The following SLCO5A1 variants were observed in gnomAD, a reference collection of about 807,000 sequenced individuals.
SLCO5A1 encodes the protein solute carrier organic anion transporter family member 5A1.
SLCO5A1 carries 39 observed loss-of-function variants against 65.1 expected under a neutral mutation model. The observed-to-expected ratio is 0.60, with a 90% CI of 0.46 to 0.78. The LOEUF (loss-of-function observed/expected upper bound fraction) is 0.78, where lower values mean the gene tolerates loss of function less well. Among genes scored for constraint, SLCO5A1 ranks in the 30% least tolerant of loss-of-function variants. SLCO5A1 has a pLI of 0.00. For missense variants in SLCO5A1, 1,029 were observed against 1,069.4 expected, an observed-to-expected ratio of 0.96 and a Z score of 0.53; for synonymous variants, 438 against 415.7, an observed-to-expected ratio of 1.05 and a Z score of -0.65.
intron 8 of SLCO5A1, among the ~76,000 whole-genome samples, chr8:69,678,221 T>A (rs551488064): frequency 1.1e-4 from 16 of 152,216 alleles, no homozygotes; most frequent in African/African-American, 3.9e-4. Flanking sequence ...GACAAAATAA[T>A]GAACAAATTC....
intron 6 of SLCO5A1, among the ~76,000 whole-genome samples, chr8:69,701,182 CTG>C (rs1814720430): frequency 1.3e-5 from 2 of 152,092 alleles, no homozygotes; most frequent in African/African-American, 4.8e-5. Flanking sequence ...GTGTGGGAAA[CTG>C]GATGCAGATT....
chr8:69,770,628 G>A (rs1227551358), intron 2 of SLCO5A1, among the ~76,000 whole-genome samples: 1 of 151,926 alleles, frequency 6.6e-6, no homozygotes, highest in Non-Finnish European at 1.5e-5. Context: ...TTCCAAAAAG[G>A]CCACCTTCAA....
chr8:69,725,449 A>G (rs1356683782), intron 5 of SLCO5A1, among the ~76,000 whole-genome samples: 1 of 143,416 alleles, frequency 7.0e-6, no homozygotes, highest in Non-Finnish European at 1.5e-5. Flanking sequence ...CCAAGGGAGA[A>G]AAAGAATAAA....
chr8:69,818,445 G>C (rs184826887), intron 2 of SLCO5A1, among the ~76,000 whole-genome samples: 1 of 152,318 alleles, frequency 6.6e-6, no homozygotes, highest in East Asian at 1.9e-4. Context: ...ATCTTGACAA[G>C]ATCCCCTGAG....
intron 4 of SLCO5A1, among the ~76,000 whole-genome samples, chr8:69,745,523 C>T (rs574331492): frequency 4.7e-4 from 71 of 151,852 alleles, no homozygotes; most frequent in African/African-American, 1.7e-3. Flanking sequence ...ATTTTATTAC[C>T]CCAAAATGTA....
chr8:69,765,305 A>T (rs1818009963), intron 2 of SLCO5A1, among the ~76,000 whole-genome samples: 1 of 152,048 alleles, frequency 6.6e-6, no homozygotes, highest in Non-Finnish European at 1.5e-5. Context: ...TTGCAATTAT[A>T]TATGTATACA....
intron 2 of SLCO5A1, among the ~76,000 whole-genome samples, chr8:69,816,322 A>C (rs1402444128): frequency 6.6e-6 from 1 of 152,172 alleles, no homozygotes; most frequent in Non-Finnish European, 1.5e-5. Flanking sequence ...GAGAGCCAAA[A>C]TCATCCCTGA....
At chr8:69,781,440 G>T (rs1035534633) in intron 2 of SLCO5A1, among the ~76,000 whole-genome samples, 1 of 152,098 alleles carries the variant, frequency 6.6e-6, no homozygotes, top group Non-Finnish European at 1.5e-5. Context: ...CCTGCACTAG[G>T]GTTCCTTGTA....
Position 69,784,751 on chromosome 8 carries a change from G to A in SLCO5A1, c.908-22876C>T, listed in dbSNP as rs183346430. ...TACAGTGAGTCAAGAGTGTGCCACT[G>A]CACTTCAGCCTGGGCAACAGAGCAA... On this transcript the variant is annotated intron_variant, in intron 2 of 9. Coordinates refer to ENST00000260126, the MANE Select transcript of SLCO5A1 (RefSeq NM_030958.3). Among the ~76,000 whole-genome samples the A allele has an allele frequency of 2.0e-5, 3 of 147,726 alleles. No homozygotes were observed. In the East Asian group the frequency reaches 6.0e-4, roughly 30 times the overall value.
intron 2 of SLCO5A1, among the ~76,000 whole-genome samples, chr8:69,762,198 CTTTT>C (rs869095186): frequency 1.2e-5 from 1 of 80,972 alleles, no homozygotes; most frequent in Non-Finnish European, 2.4e-5. Flanking sequence ...TTCTTTCTTT[CTTTT>C]TTGAGACAGA....
chr8:69,733,049 A>G (rs1386774668), intron 5 of SLCO5A1, among the ~76,000 whole-genome samples: 1 of 152,100 alleles, frequency 6.6e-6, no homozygotes, highest in Non-Finnish European at 1.5e-5. Flanking sequence ...TATCTACTTC[A>G]TAGGCATTAG....
chr8:69,778,510 G>C (rs1467726098), intron 2 of SLCO5A1, among the ~76,000 whole-genome samples: 1 of 151,840 alleles, frequency 6.6e-6, no homozygotes, highest in Non-Finnish European at 1.5e-5. Flanking sequence ...TGTGTTAAAA[G>C]TTGTTAGCTC....
chr8:69,830,759 C>G (rs959809396), intron 2 of SLCO5A1, among the ~76,000 whole-genome samples: 2 of 152,160 alleles, frequency 1.3e-5, no homozygotes, highest in Non-Finnish European at 2.9e-5. Flanking sequence ...ACTCAAGCAC[C>G]CCTGTCCACT....
At chr8:69,826,518 A>T (rs1820923246) in intron 2 of SLCO5A1, among the ~76,000 whole-genome samples, 1 of 152,216 alleles carries the variant, frequency 6.6e-6, no homozygotes, top group African/African-American at 2.4e-5. Context: ...CAGCCAAAAA[A>T]CACACGAAAA....
intron 5 of SLCO5A1, among the ~76,000 whole-genome samples, chr8:69,732,790 G>A (rs1474951185): frequency 6.6e-6 from 1 of 152,108 alleles, no homozygotes; most frequent in African/African-American, 2.4e-5. Context: ...TTGGGAGGCT[G>A]AGGGAGGAGA....
chr8:69,675,455 C>G (rs1813510084), intron 9 of SLCO5A1, among the ~76,000 whole-genome samples: 1 of 152,102 alleles, frequency 6.6e-6, no homozygotes. Flanking sequence ...GGGATTAAAG[C>G]ATTAGCCACT....
At position 69,832,478 on chromosome 8, in the gene SLCO5A1, A is replaced by C; in HGVS notation, c.196T>G (p.Ser66Ala). The stretch of plus-strand genomic sequence containing the variant: ...TGCTTCAACTCCTGGTGGCCCGAAG[A>C]ATCCACACAGCCAAAGGCCGGGTTG... ...DANPAFGCVD[S>A]SGHQELKQGP... The change falls in exon 2 of 10, where the codon TCT becomes GCT. Residue 66 changes from serine (S) to alanine (A), a missense_variant. Coordinates refer to ENST00000260126, the MANE Select transcript of SLCO5A1 (RefSeq NM_030958.3). This position sits in a 1 kb window ranked among gnomAD's most constrained non-coding sequence, Gnocchi z 4.5. 1 of 1,612,708 alleles carries C rather than the reference A, an allele frequency of 6.2e-7. No homozygotes were observed. The highest frequency in any genetic ancestry group is 8.5e-7 in the Non-Finnish European group (1 of 1,179,472).
At chr8:69,740,885 A>T (rs919572586) in intron 4 of SLCO5A1, among the ~76,000 whole-genome samples, 37 of 152,344 alleles carry the variant, frequency 2.4e-4, no homozygotes, top group African/African-American at 7.9e-4. Flanking sequence ...AATGAGATAT[A>T]GTCGGTTTTT....
chr8:69,815,474 A>G (rs1464386327), intron 2 of SLCO5A1, among the ~76,000 whole-genome samples: 3 of 152,090 alleles, frequency 2.0e-5, no homozygotes, highest in African/African-American at 7.2e-5. Flanking sequence ...GAAAAACTCT[A>G]GGTCTTATAA....
Sources: gnomAD v4.1 joint callset for allele counts (sites outside exome capture counted in the v4.1 genomes callset) on GRCh38, gnomAD v4.1.1 for gene constraint, Gnocchi (gnomAD v3.1) non-coding constraint, MANE v1.5 for transcripts, NCBI Gene and HGNC (gene_info 2026-07-23, HGNC 2026-07-21) for gene names.